CDC40: variants seen among roughly 807,000 people sequenced by gnomAD.
The protein encoded by CDC40 is cell division cycle 40.
In CDC40, 27 loss-of-function variants were observed where a neutral mutation model predicts 80.6. That is an observed-to-expected ratio of 0.33 (90% CI 0.25 to 0.46). CDC40 has a LOEUF of 0.46. Among genes scored for constraint, CDC40 ranks in the 20% least tolerant of loss-of-function variants. CDC40 has a pLI of 1.00. For synonymous variants in CDC40, 221 were observed against 232.6 expected, an observed-to-expected ratio of 0.95 and a Z score of 0.45; for missense variants, 486 against 694.1, an observed-to-expected ratio of 0.70 and a Z score of 3.37.
At position 110,219,729 on chromosome 6, in the gene CDC40, T is replaced by TA. The variant is rs1777744480; in HGVS notation, c.1207-6dup. 6.2e-7 allele frequency: 1 copy of TA among 1,613,648 alleles called. No homozygotes were observed. On this transcript the variant is annotated splice_polypyrimidine_tract_variant and splice_region_variant and intron_variant, in intron 11 of 14. Coordinates refer to ENST00000307731, the MANE Select transcript of CDC40 (RefSeq NM_015891.3). ...TGTCTTTACCTTTTTTCTTGCCTGA[T>TA]ACACAGTGGGACATTCGAAGTGGAG...
intron 2 of CDC40, among the ~76,000 whole-genome samples, chr6:110,197,383 T>C (rs986120361): frequency 4.6e-5 from 7 of 152,240 alleles, no homozygotes; most frequent in Non-Finnish European, 7.3e-5. Context: ...GTAGAATGGC[T>C]AAATCAAGCT....
chr6:110,213,180 G>A lies in CDC40; in HGVS notation c.942+20G>A, dbSNP rs1172176170. ...ATTAAGGTGAGTTTTCAGTAACAGA[G>A]TAGGAGTGCTGCAAAGCTAGTTCTT... On this transcript the variant is annotated intron_variant, in intron 8 of 14. Transcript: ENST00000307731. 4 of 1,424,056 alleles carry A rather than the reference G, an allele frequency of 2.8e-6. No homozygotes were observed. The highest frequency in any genetic ancestry group is 1.4e-5 in the African/African-American group (1 of 71,248). 88.2% of individuals were successfully genotyped at this position (1,424,056 alleles called of 1,614,324 possible).
chr6:110,214,718 A>G (rs1270235210), intron 8 of CDC40, among the ~76,000 whole-genome samples: 1 of 152,250 alleles, frequency 6.6e-6, no homozygotes, highest in African/African-American at 2.4e-5. Context: ...AAGGCAGTCA[A>G]GAATAAAGCT....
intron 1 of CDC40, among the ~76,000 whole-genome samples, chr6:110,185,313 G>T (rs1415682813): frequency 5.5e-5 from 8 of 144,660 alleles, no homozygotes; most frequent in African/African-American, 2.1e-4. Flanking sequence ...CGGGATCTCG[G>T]CTCACTGCAA....
chr6:110,211,269 T>C (rs537198003), intron 6 of CDC40: 5 of 152,296 alleles, frequency 3.3e-5, no homozygotes, highest in African/African-American at 1.2e-4. Flanking sequence ...CTCATACTTA[T>C]TTTGACTTGT....
chr6:110,218,085 TC>T (rs1218343638), intron 10 of CDC40, among the ~76,000 whole-genome samples: 6 of 152,190 alleles, frequency 3.9e-5, no homozygotes, highest in African/African-American at 7.2e-5. Context: ...ATTTTTTTGT[TC>T]CCCTACATCA....
At chr6:110,210,324 C>T (rs550027064) in intron 5 of CDC40, among the ~76,000 whole-genome samples, 4 of 151,656 alleles carry the variant, frequency 2.6e-5, no homozygotes, top group South Asian at 4.2e-4. Flanking sequence ...CCGAGGCGGG[C>T]GCATTGCCAG....
At position 110,231,070 on chromosome 6, in the gene CDC40, G is replaced by T. The variant is rs1289154925; in HGVS notation, c.*939G>T. The T allele has an allele frequency of 6.6e-6, 1 of 151,880 alleles. No homozygotes were observed. Among genetic ancestry groups the T allele is most frequent in the Non-Finnish European group, 1.5e-5 (1 of 68,000 alleles). The allele number at this position is 151,880 out of a possible 1,614,324, so 9.4% of individuals were successfully genotyped here. On this transcript the variant is annotated 3_prime_UTR_variant, in exon 15 of 15. Coordinates refer to ENST00000307731, the MANE Select transcript of CDC40 (RefSeq NM_015891.3). ...ATTTTACCTGTGAATATATACAACA[G>T]AACTTTTTAAGATTAAAAAATTTTT... is the stretch of plus-strand genomic sequence containing the variant.
intron 2 of CDC40, among the ~76,000 whole-genome samples, chr6:110,195,209 A>G (rs1777403186): frequency 6.6e-6 from 1 of 152,212 alleles, no homozygotes; most frequent in Non-Finnish European, 1.5e-5. Flanking sequence ...TCACCAGTTT[A>G]AATTTTAAAT....
chr6:110,219,931 C>T (rs1426489219), intron 12 of CDC40, 62 bp downstream of exon 12: 13 of 1,533,432 alleles, frequency 8.5e-6, no homozygotes, highest in South Asian at 1.2e-5. Flanking sequence ...ATTATATAGA[C>T]AAAGATGAAG....
rs1361987608 is a variant in CDC40, at chr6:110,228,869, C to A, written c.1455C>A (p.Ile485=). The A allele has an allele frequency of 3.8e-6, 6 of 1,596,932 alleles. No homozygotes were observed. The Admixed American group carries it at 1.1e-4, about 28-fold the overall frequency. ...WLACQSMDNQ[I]LIFGAQNRFR... ...CATGCCAATCAATGGACAACCAAAT[C>A]TTAATTTTTGGAGCACAGAACAGAT... is the stretch of plus-strand genomic sequence containing the variant. The change falls in exon 14 of 15, where the codon ATC becomes ATA. Residue 485 remains isoleucine (I), a synonymous_variant. Transcript: ENST00000307731.
intron 1 of CDC40, among the ~76,000 whole-genome samples, chr6:110,181,233 G>GA (rs1777185188): frequency 6.6e-6 from 1 of 152,202 alleles, no homozygotes; most frequent in Non-Finnish European, 1.5e-5. Context: ...AATACAGTGA[G>GA]AAAAAGGCCT....
intron 7 of CDC40, among the ~76,000 whole-genome samples, chr6:110,212,500 G>GTCCTGTATCCTGTATCCTGTA (rs1777649556): frequency 2.0e-5 from 3 of 152,176 alleles, no homozygotes; most frequent in Non-Finnish European, 4.4e-5. Context: ...ATGATTTAGT[G>GTCCTGTATCCTGTATCCTGTA]TCCTGTATCC....
chr6:110,207,729 T>C (rs948384377), intron 4 of CDC40, 140 bp downstream of exon 4: 10 of 547,652 alleles, frequency 1.8e-5, no homozygotes, highest in Non-Finnish European at 3.0e-5. Context: ...CGATACAGTT[T>C]AGAGCAATAT....
chr6:110,189,240 C>CT (rs964179834), intron 1 of CDC40, among the ~76,000 whole-genome samples: 23 of 152,026 alleles, frequency 1.5e-4, no homozygotes, highest in South Asian at 6.2e-4. Flanking sequence ...TTGTTAAATT[C>CT]TTTTTTTTCA....
At chr6:110,206,999 T>C (rs372522705) in intron 3 of CDC40, among the ~76,000 whole-genome samples, 2 of 152,106 alleles carry the variant, frequency 1.3e-5, no homozygotes, top group East Asian at 3.8e-4. Context: ...TAGAAAAATA[T>C]AGCTTTGGGT....
chr6:110,209,390 G>T, intron 5 of CDC40, 167 bp downstream of exon 5: 16 of 508,840 alleles, frequency 3.1e-5, no homozygotes, highest in South Asian at 1.9e-4. Flanking sequence ...GTTTTTCTTT[G>T]GGATATTTTT....
intron 5 of CDC40, 52 bp from the exon 6 acceptor site, chr6:110,210,655 A>G (rs878922636): frequency 4.2e-6 from 4 of 951,178 alleles, no homozygotes; most frequent in Middle Eastern, 2.3e-4. Context: ...AACTTTAGGT[A>G]TAATGAGGTT....
intron 3 of CDC40, among the ~76,000 whole-genome samples, chr6:110,205,325 G>T (rs1438445808): frequency 6.6e-6 from 1 of 152,186 alleles, no homozygotes; most frequent in African/African-American, 2.4e-5. Context: ...AAGAAATGTA[G>T]AAATATTCAC....
Sources: allele counts gnomAD v4.1 joint callset (sites outside exome capture counted in the v4.1 genomes callset), GRCh38; gene constraint gnomAD v4.1.1; transcripts MANE v1.5; gene names NCBI Gene and HGNC (gene_info 2026-07-23, HGNC 2026-07-21).